Variants in PRKDC observed in about 807,000 individuals in gnomAD.
PRKDC encodes DNA-dependent protein kinase catalytic subunit.
PRKDC carries 82 observed loss-of-function variants against 486.9 expected under a neutral mutation model. The observed-to-expected ratio is 0.17, with a 90% CI of 0.14 to 0.20. The LOEUF (loss-of-function observed/expected upper bound fraction) is 0.20. PRKDC is among the 10% of genes least tolerant of loss of function. The pLI is 1.00. For missense variants in PRKDC, 4,504 were observed against 5,038.2 expected, an observed-to-expected ratio of 0.89 and a Z score of 3.21; for synonymous variants, 1,895 against 1,837.0, an observed-to-expected ratio of 1.03 and a Z score of -0.81.
chr8:47,889,618 G>A (rs1393447780), intron 32 of PRKDC, among the ~76,000 whole-genome samples: 1 of 152,242 alleles, frequency 6.6e-6, no homozygotes, highest in East Asian at 1.9e-4. Context: ...ACTGGAGTTT[G>A]TTTATACAAT....
rs1331873122 is a variant in PRKDC at position 47,862,540 on chromosome 8, A to G, written c.5752T>C (p.Leu1918=). 3 of 1,598,684 alleles carry G rather than the reference A, an allele frequency of 1.9e-6. No homozygotes were observed. In the African/African-American group the frequency reaches 4.0e-5, roughly 21 times the overall value. ...TTCTCTGTAAATGCATCGTAGCACAATCTGCAGAGAGATCCATGTGACAAA... is the reference window on the plus strand; with the variant it reads ...TTCTCTGTAAATGCATCGTAGCACAGTCTGCAGAGAGATCCATGTGACAAA... The part of the protein sequence containing the change: ...GNELTKTLIK[L]CYDAFTENMA... Residue 1918 remains leucine (L), a splice_region_variant and synonymous_variant, in exon 43 of 86, where the codon TTG becomes CTG. Transcript: ENST00000314191.
chr8:47,934,913 G>T, intron 14 of PRKDC, 96 bp downstream of exon 14: 1 of 887,880 alleles, frequency 1.1e-6, no homozygotes, highest in East Asian at 2.7e-5. Flanking sequence ...AGAAAAGAAC[G>T]GCCACTTTTG....
intron 29 of PRKDC, 66 bp from the exon 30 acceptor site, chr8:47,897,360 T>G: frequency 7.7e-6 from 11 of 1,421,776 alleles, no homozygotes; most frequent in African/African-American, 1.4e-5. Context: ...ACCAAGGCTC[T>G]AGAAATCATA....
intron 59 of PRKDC, among the ~76,000 whole-genome samples, chr8:47,833,475 C>T (rs545573086): frequency 4.6e-5 from 7 of 152,172 alleles, no homozygotes; most frequent in African/African-American, 9.6e-5. Context: ...TCTCGGCACC[C>T]GTCTAGTTCT....
Position 47,930,532 on chromosome 8 carries a change from A to G in PRKDC, c.1892+140T>C, listed in dbSNP as rs28698766. The stretch of plus-strand genomic sequence containing the variant: ...CGTGATCCACCTGCCTCGGCCTCCC[A>G]AAGTGCTGGGATTACAGGCGTGAGC... On this transcript the variant is annotated intron_variant, in intron 17 of 85. Transcript: ENST00000314191. The G allele has an allele frequency of 2.6e-4, 203 of 770,256 alleles. No individual in the cohort carries two copies. The African/African-American group carries it at 2.7e-3, about 10-fold the overall frequency. The allele number at this position is 770,256 out of a possible 1,614,324, so 47.7% of individuals were successfully genotyped here.
chr8:47,796,710 C>T (rs1328844396), intron 73 of PRKDC, among the ~76,000 whole-genome samples: 1 of 151,912 alleles, frequency 6.6e-6, no homozygotes, highest in Non-Finnish European at 1.5e-5. Context: ...AGTGATTTTC[C>T]TGCCTCAGCC....
chr8:47,819,620 T>C (rs2087537991), intron 66 of PRKDC, 110 bp from the exon 67 acceptor site: 4 of 497,110 alleles, frequency 8.0e-6, no homozygotes, highest in Non-Finnish European at 1.4e-5. Flanking sequence ...ATGTAGCAAT[T>C]ATTCTATAAA....
At chr8:47,885,317 A>C (rs1446014351) in intron 36 of PRKDC, among the ~76,000 whole-genome samples, 1 of 150,940 alleles carries the variant, frequency 6.6e-6, no homozygotes, top group Non-Finnish European at 1.5e-5. Flanking sequence ...ATGCCTGGCT[A>C]ATTTTTTGTA....
At chr8:47,808,835 G>A (rs1351306585) in intron 68 of PRKDC, among the ~76,000 whole-genome samples, 4 of 151,982 alleles carry the variant, frequency 2.6e-5, no homozygotes, top group Non-Finnish European at 4.4e-5. Context: ...CAGGGAGTTC[G>A]AGAACACCCT....
chr8:47,936,302 GAAGA>G, intron 12 of PRKDC, 47 bp downstream of exon 12: 5 of 1,533,088 alleles, frequency 3.3e-6, no homozygotes, highest in Non-Finnish European at 4.4e-6. Context: ...CAAATTATTT[GAAGA>G]AATGAAGATT....
intron 74 of PRKDC, 110 bp from the exon 75 acceptor site, chr8:47,789,348 TG>T: frequency 2.0e-5 from 6 of 300,330 alleles, no homozygotes; most frequent in Non-Finnish European, 3.4e-5. Context: ...TATAAAATAA[TG>T]TATGTTATAT....
chr8:47,878,165 C>T (rs1402537749), intron 39 of PRKDC, among the ~76,000 whole-genome samples: 2 of 145,136 alleles, frequency 1.4e-5, no homozygotes, highest in African/African-American at 2.6e-5. Flanking sequence ...AGTGCAGTGA[C>T]ACGATCTCGG....
chr8:47,826,882 C>T, intron 62 of PRKDC, 21 bp from the exon 63 acceptor site: 1 of 1,545,984 alleles, frequency 6.5e-7, no homozygotes, highest in South Asian at 1.2e-5. Context: ...ACACATACAA[C>T]CAGCTGTTTA....
In PRKDC at chr8:47,830,654, A is replaced by T; in HGVS notation, c.8348T>A (p.Ile2783Asn). 6.2e-7 allele frequency: 1 copy of T among 1,613,988 alleles called. No individual in the cohort carries two copies. Among genetic ancestry groups the T allele is most frequent in the Non-Finnish European group, 8.5e-7 (1 of 1,179,878 alleles). The change falls in exon 61 of 86, where the codon ATT becomes AAT. Residue 2783 changes from isoleucine to asparagine, a missense_variant. By Grantham distance (149) the Ile-to-Asn change is moderately radical (BLOSUM62 -3). This residue lies in a region of PRKDC where 1,592 missense variants were observed against 1,724.6 expected (regional missense o/e 0.92). Coordinates refer to ENST00000314191, the MANE Select transcript of PRKDC (RefSeq NM_006904.7). ...RSYRHGDLPD[I>N]QIKHSSLITP... ...GATGAGGCTGCTGTGCTTGATCTGA[A>T]TGTCAGGAAGGTCTCCGTGCCGGTA... is the stretch of plus-strand genomic sequence containing the variant.
chr8:47,889,177 C>A lies in PRKDC; in HGVS notation c.4117G>T (p.Val1373Leu), dbSNP rs759118099. ...LCNTHLMRVLVQTLCEPASIG... is the reference protein window; with the variant it reads ...LCNTHLMRVLLQTLCEPASIG... Reference sequence around the variant, plus strand: ...CTTGCGGGCTCACACAGCGTCTGCACCAGGACTCTCATCAGGTGTGTATTA... The same window carrying A: ...CTTGCGGGCTCACACAGCGTCTGCAACAGGACTCTCATCAGGTGTGTATTA... The change falls in exon 33 of 86, where the codon GTG becomes TTG. Residue 1373 changes from valine to leucine, a missense_variant. Physicochemically the swap from Val to Leu is conservative, Grantham distance 32. Around this residue, in one of 6 missense-constraint regions of PRKDC, gnomAD observed 1,969 missense variants for 2,068.9 expected, o/e 0.95. Transcript: ENST00000314191. 1.1e-5 allele frequency: 17 copies of A among 1,613,710 alleles called. No homozygotes were observed. Among genetic ancestry groups the A allele is most frequent in the Non-Finnish European group, 1.4e-5 (17 of 1,179,882 alleles).
chr8:47,934,380 CAA>C (rs2090310584), intron 14 of PRKDC, among the ~76,000 whole-genome samples: 1 of 152,092 alleles, frequency 6.6e-6, no homozygotes, highest in African/African-American at 2.4e-5. Context: ...ACTCTAAACA[CAA>C]AAATTGGCTG....
chr8:47,857,036 A>G (rs1318764417), intron 49 of PRKDC, 120 bp downstream of exon 49: 15 of 1,125,454 alleles, frequency 1.3e-5, no homozygotes, highest in Non-Finnish European at 1.8e-5. Flanking sequence ...CCAGCAATGT[A>G]GCAACAAATG....
chr8:47,899,958 C>G (rs1206301394), intron 28 of PRKDC, among the ~76,000 whole-genome samples: 2 of 152,208 alleles, frequency 1.3e-5, no homozygotes, highest in African/African-American at 4.8e-5. Context: ...GTAATGAGAT[C>G]CACTTTCTAC....
chr8:47,858,393 T>C (rs1387143045), intron 48 of PRKDC, 123 bp downstream of exon 48: 1 of 951,180 alleles, frequency 1.1e-6, no homozygotes, highest in Non-Finnish European at 1.5e-6. Flanking sequence ...TGCCCCTTTA[T>C]ATTTTCCTTT....
Sources: allele counts gnomAD v4.1 joint callset (sites outside exome capture counted in the v4.1 genomes callset), GRCh38; gene constraint gnomAD v4.1.1; regional missense constraint gnomAD v4.1.1; transcripts MANE v1.5; gene names NCBI Gene and HGNC (gene_info 2026-07-23, HGNC 2026-07-21).